Variants in TAFA5 observed in about 807,000 individuals in gnomAD.
The protein encoded by TAFA5 is chemokine-like protein TAFA-5.
A neutral mutation model predicts 15.3 loss-of-function variants in TAFA5; 6 were observed. The ratio of observed to expected loss-of-function variants is 0.39; its 90% CI spans 0.21 to 0.77. TAFA5 has a LOEUF of 0.77. Ranked by LOEUF, TAFA5 falls within the 30% of genes least tolerant of loss-of-function variation. The pLI is 0.41. For synonymous variants in TAFA5, 103 were observed against 80.7 expected (o/e 1.28, Z -1.48); for missense variants, 161 against 193.1 (o/e 0.83, Z 0.98).
At chr22:48,717,423 C>T (rs1388626951) in intron 3 of TAFA5, among the ~76,000 whole-genome samples, 1 of 152,200 alleles carries the variant, frequency 6.6e-6, no homozygotes, top group Non-Finnish European at 1.5e-5. Flanking sequence ...GGGAAGGGGT[C>T]AGGGGACAAG....
At chr22:48,745,081 G>A (rs535199057) in intron 3 of TAFA5, among the ~76,000 whole-genome samples, 1 of 152,306 alleles carries the variant, frequency 6.6e-6, no homozygotes, top group East Asian at 1.9e-4. Context: ...TCATCCCTGG[G>A]ACCATTAGCC....
chr22:48,591,102 T>C (rs1376532587), intron 1 of TAFA5, among the ~76,000 whole-genome samples: 2 of 152,374 alleles, frequency 1.3e-5, no homozygotes, highest in Admixed American at 1.3e-4. Flanking sequence ...TCCGCCCGCC[T>C]CGGCCTCCCA....
At chr22:48,588,764 C>T (rs1383302037) in intron 1 of TAFA5, among the ~76,000 whole-genome samples, 3 of 152,142 alleles carry the variant, frequency 2.0e-5, no homozygotes, top group Non-Finnish European at 2.9e-5. Context: ...ACAGTGCCTT[C>T]GGGGATGCTC....
At chr22:48,548,923 T>C (rs1406347089) in intron 1 of TAFA5, among the ~76,000 whole-genome samples, 5 of 152,238 alleles carry the variant, frequency 3.3e-5, no homozygotes, top group Non-Finnish European at 7.3e-5. Flanking sequence ...CTCATTGTCT[T>C]TTTGGGAATT....
intron 1 of TAFA5, among the ~76,000 whole-genome samples, chr22:48,603,776 C>A (rs1294256762): frequency 1.3e-5 from 2 of 152,154 alleles, no homozygotes; most frequent in African/African-American, 4.8e-5. Context: ...GCACTGCTCC[C>A]GCCTGCAGTC....
At chr22:48,584,023 GCCACACA>G (rs1408738283) in intron 1 of TAFA5, among the ~76,000 whole-genome samples, 3 of 92,664 alleles carry the variant, frequency 3.2e-5, no homozygotes, top group African/African-American at 1.3e-4. Context: ...CACACCACAC[GCCACACA>G]CCACACACAA....
chr22:48,562,402 T>C (rs1471311543), intron 1 of TAFA5, among the ~76,000 whole-genome samples: 1 of 152,138 alleles, frequency 6.6e-6, no homozygotes, highest in Non-Finnish European at 1.5e-5. Flanking sequence ...CCTCCCAAAG[T>C]GCTGGGATTA....
At chr22:48,726,351 A>T (rs1420965676) in intron 3 of TAFA5, among the ~76,000 whole-genome samples, 1 of 152,244 alleles carries the variant, frequency 6.6e-6, no homozygotes, top group African/African-American at 2.4e-5. Context: ...TGAGACCTGG[A>T]GGTGGGGGGC....
chr22:48,745,195 G>A (rs558564536), intron 3 of TAFA5, among the ~76,000 whole-genome samples: 5 of 152,068 alleles, frequency 3.3e-5, no homozygotes, highest in Admixed American at 2.0e-4. Flanking sequence ...CTTTGTCATC[G>A]GCAGCTGGCC....
At chr22:48,505,662 G>A (rs905615339) in intron 1 of TAFA5, among the ~76,000 whole-genome samples, 1 of 152,148 alleles carries the variant, frequency 6.6e-6, no homozygotes, top group African/African-American at 2.4e-5. Context: ...CACACTTGCA[G>A]TCGGCATCTC....
intron 2 of TAFA5, among the ~76,000 whole-genome samples, chr22:48,691,957 C>G (rs1453467609): frequency 6.6e-6 from 1 of 152,208 alleles, no homozygotes; most frequent in Non-Finnish European, 1.5e-5. Context: ...ACTAGGTGCC[C>G]TGGAGGGCTG....
At chr22:48,578,770 G>A (rs1407482646) in intron 1 of TAFA5, among the ~76,000 whole-genome samples, 1 of 152,228 alleles carries the variant, frequency 6.6e-6, no homozygotes, top group East Asian at 1.9e-4. Context: ...GACTTGGGCA[G>A]CCTCCCTGTC....
chr22:48,505,798 G>C (rs942798889), intron 1 of TAFA5, among the ~76,000 whole-genome samples: 1 of 152,208 alleles, frequency 6.6e-6, no homozygotes, highest in Non-Finnish European at 1.5e-5. Flanking sequence ...GCTCAGAAAA[G>C]CTGTTACACT....
chr22:48,703,659 C>A (rs567562592), intron 2 of TAFA5, among the ~76,000 whole-genome samples: 3 of 152,252 alleles, frequency 2.0e-5, no homozygotes, highest in Admixed American at 1.3e-4. Context: ...GTCCTTCTCC[C>A]GGGATTTCCC....
Position 48,747,903 on chromosome 22 carries a change from A to G in TAFA5, c.391-1936A>G, listed in dbSNP as rs534089756. On this transcript the variant is annotated intron_variant, in intron 3 of 3. Coordinates refer to ENST00000402357, the MANE Select transcript of TAFA5 (RefSeq NM_001082967.3). ...CAGAGCAAGACTCTGTCTAAAAAAA[A>G]AAAAAAAAAAAAAGAATAGCGTGTT... Among the ~76,000 whole-genome samples, 1,109 of 151,992 alleles carry G rather than the reference A, an allele frequency of 7.3e-3. 12 individuals carry two copies. Among genetic ancestry groups the G allele is most frequent in the South Asian group, 0.054 (258 of 4,808 alleles).
At chr22:48,640,563 G>T (rs1422985328) in intron 1 of TAFA5, among the ~76,000 whole-genome samples, 1 of 152,168 alleles carries the variant, frequency 6.6e-6, no homozygotes, top group Non-Finnish European at 1.5e-5. Flanking sequence ...GCAGGGCTGG[G>T]CTGGGCTGTG....
chr22:48,542,828 G>T lies in TAFA5; in HGVS notation c.112+53124G>T, dbSNP rs571637398. Among the ~76,000 whole-genome samples the T allele has an allele frequency of 5.8e-3, 860 of 148,236 alleles. 6 individuals are homozygous for T. The highest frequency in any genetic ancestry group is 0.02 in the African/African-American group (820 of 40,196). On this transcript the variant is annotated intron_variant, in intron 1 of 3. Coordinates refer to ENST00000402357, the MANE Select transcript of TAFA5 (RefSeq NM_001082967.3). Reference sequence around the variant, plus strand: ...TGTGATGTGTATGGTGTGTGTGTGTGGTGTGTATGTGTGTGTGATGTGTTT... The same window carrying T: ...TGTGATGTGTATGGTGTGTGTGTGTTGTGTGTATGTGTGTGTGATGTGTTT...
chr22:48,527,975 C>T (rs2147110974), intron 1 of TAFA5, among the ~76,000 whole-genome samples: 1 of 152,370 alleles, frequency 6.6e-6, no homozygotes, highest in African/African-American at 2.4e-5. Flanking sequence ...TACTTGTTCT[C>T]CTCTCTGGAA....
Position 48,568,320 on chromosome 22 carries a change from C to T in TAFA5, c.113-78277C>T, listed in dbSNP as rs934805918. Among the ~76,000 whole-genome samples the T allele has an allele frequency of 4.6e-5, 7 of 152,244 alleles. No homozygotes were observed. In the South Asian group the frequency reaches 1.2e-3, roughly 27 times the overall value. On this transcript the variant is annotated intron_variant, in intron 1 of 3. Transcript: ENST00000402357. ...TCTCTTCTATCACCTGCTCTGCTCA[C>T]GTCTCGTCTGCTCCAGAGAGAGGAT...
Sources: allele counts gnomAD v4.1 joint callset (sites outside exome capture counted in the v4.1 genomes callset), GRCh38; gene constraint gnomAD v4.1.1; transcripts MANE v1.5; gene names NCBI Gene and HGNC (gene_info 2026-07-23, HGNC 2026-07-21).